Variants in GBE1 observed in about 807,000 individuals in gnomAD.
The protein encoded by GBE1 is 1,4-alpha-glucan branching enzyme 1, also known as 1,4-alpha-glucan-branching enzyme.
GBE1 carries 70 observed loss-of-function variants against 88.8 expected under a neutral mutation model. The observed-to-expected ratio is 0.79, with a 90% confidence interval of 0.65 to 0.96. GBE1 has a LOEUF of 0.96. GBE1 is among the 40% of genes least tolerant of loss of function. The pLI is 0.00. For missense variants in GBE1, 872 were observed against 871.0 expected, an observed-to-expected ratio of 1.00 and a Z score of -0.01; for synonymous variants, 284 against 300.1, an observed-to-expected ratio of 0.95 and a Z score of 0.56.
chr3:81,573,904 T>C (rs2106927805), intron 12 of GBE1, among the ~76,000 whole-genome samples: 1 of 152,146 alleles, frequency 6.6e-6, no homozygotes, highest in East Asian at 1.9e-4. Flanking sequence ...AACAGTCAAT[T>C]CATAATAAAT....
At chr3:81,568,178 C>T (rs1034174322) in intron 12 of GBE1, among the ~76,000 whole-genome samples, 15 of 152,052 alleles carry the variant, frequency 9.9e-5, no homozygotes, top group South Asian at 6.2e-4. Context: ...GATGGAGTCT[C>T]GCTCTGGCAC....
Position 81,616,208 on chromosome 3 carries a change from T to C in GBE1, c.993-22185A>G, listed in dbSNP as rs1484280866. ...TCATCATCTTAACAAGAACTTTATA[T>C]CACAATCTTGAAGTAGTCCAATTTA... On this transcript the variant is annotated intron_variant, in intron 7 of 15. Coordinates refer to ENST00000429644, the MANE Select transcript of GBE1 (RefSeq NM_000158.4). 2.6e-5 allele frequency among the ~76,000 whole-genome samples: 4 copies of C among 152,288 alleles called. No individual in the cohort carries two copies. The East Asian group carries it at 7.7e-4, about 29-fold the overall frequency.
At position 81,594,068 on chromosome 3, in the gene GBE1, A is replaced by G. The variant is rs1489033498; in HGVS notation, c.993-45T>C. On this transcript the variant is annotated intron_variant, in intron 7 of 15. Transcript: ENST00000429644. ...TGTATTTAAGCAAAATGTGAAGAGCATTTTCCTTAACTGTTATAAATGTTT... is the reference window on the plus strand; with the variant it reads ...TGTATTTAAGCAAAATGTGAAGAGCGTTTTCCTTAACTGTTATAAATGTTT... The G allele has an allele frequency of 3.4e-6, 3 of 879,020 alleles. No individual in the cohort carries two copies. In the East Asian group the frequency reaches 8.2e-5, roughly 24 times the overall value. The allele number at this position is 879,020 out of a possible 1,614,324, so 54.5% of individuals were successfully genotyped here.
chr3:81,672,820 T>C (rs1705206767), intron 2 of GBE1, among the ~76,000 whole-genome samples: 1 of 151,952 alleles, frequency 6.6e-6, no homozygotes, highest in Non-Finnish European at 1.5e-5. Context: ...AGACATTACA[T>C]TCTCAACTAA....
At chr3:81,579,636 T>C (rs1428083561) in intron 11 of GBE1, among the ~76,000 whole-genome samples, 1 of 152,130 alleles carries the variant, frequency 6.6e-6, no homozygotes, top group African/African-American at 2.4e-5. Flanking sequence ...CAAATTGTTA[T>C]GTATTTGGTA....
At chr3:81,641,829 T>C (rs1208555738) in intron 7 of GBE1, among the ~76,000 whole-genome samples, 1 of 151,566 alleles carries the variant, frequency 6.6e-6, no homozygotes, top group East Asian at 1.9e-4. Context: ...GCCTATTTTC[T>C]AGGTATATTT....
intron 2 of GBE1, among the ~76,000 whole-genome samples, chr3:81,676,443 C>A (rs966302364): frequency 6.6e-6 from 1 of 151,702 alleles, no homozygotes; most frequent in East Asian, 1.9e-4. Flanking sequence ...AGTCTTAAGT[C>A]TGGAATAAAG....
intron 14 of GBE1, among the ~76,000 whole-genome samples, chr3:81,501,316 A>G (rs1032057545): frequency 6.6e-6 from 1 of 152,186 alleles, no homozygotes; most frequent in Non-Finnish European, 1.5e-5. Context: ...CTGTTTCGGC[A>G]TGGCTTCCCA....
chr3:81,542,473 C>T, intron 12 of GBE1, among the ~76,000 whole-genome samples: 1 of 152,052 alleles, frequency 6.6e-6, no homozygotes, highest in African/African-American at 2.4e-5. Context: ...AAGATACAGG[C>T]ACAAGTTAGT....
Position 81,581,282 on chromosome 3 carries a change from A to C in GBE1, c.1336-7T>G, listed in dbSNP as rs1703727037. On this transcript the variant is annotated splice_polypyrimidine_tract_variant and splice_region_variant and intron_variant, in intron 10 of 15. Transcript: ENST00000429644. The stretch of plus-strand genomic sequence containing the variant: ...CTTTAAACTCTTTAAGTAGCTAGAC[A>C]CAAGAGAGAAAAATAAGCTTCTGAG... 6.9e-7 allele frequency: 1 copy of C among 1,451,190 alleles called. No individual in the cohort carries two copies. The highest frequency in any genetic ancestry group is 9.4e-7 in the Non-Finnish European group (1 of 1,058,864). 89.9% of individuals were successfully genotyped at this position (1,451,190 alleles called of 1,614,324 possible).
At chr3:81,737,951 G>T (rs1706293003) in intron 1 of GBE1, among the ~76,000 whole-genome samples, 1 of 151,348 alleles carries the variant, frequency 6.6e-6, no homozygotes, top group Non-Finnish European at 1.5e-5. Flanking sequence ...CCCCTCCTGT[G>T]TCCATGTGTT....
chr3:81,532,681 A>T (rs1296261077), intron 14 of GBE1, among the ~76,000 whole-genome samples: 2 of 152,086 alleles, frequency 1.3e-5, no homozygotes, highest in Non-Finnish European at 2.9e-5. Context: ...CTCACTATAA[A>T]ATCATAGAAA....
chr3:81,712,586 G>A (rs1240742104), intron 1 of GBE1, among the ~76,000 whole-genome samples: 1 of 151,756 alleles, frequency 6.6e-6, no homozygotes. Flanking sequence ...CTCATAGGTG[G>A]GAATTGAACA....
intron 12 of GBE1, among the ~76,000 whole-genome samples, chr3:81,562,155 A>G (rs1703427325): frequency 1.3e-5 from 2 of 152,090 alleles, no homozygotes; most frequent in African/African-American, 4.8e-5. Context: ...TGCCTGGCTC[A>G]GCAGTAGGTG....
intron 1 of GBE1, among the ~76,000 whole-genome samples, chr3:81,732,553 T>G (rs985063485): frequency 6.6e-6 from 1 of 152,134 alleles, no homozygotes; most frequent in Non-Finnish European, 1.5e-5. Flanking sequence ...CTTCTCTTTC[T>G]CTCACATCCA....
chr3:81,694,987 A>G (rs1705570716), intron 2 of GBE1, among the ~76,000 whole-genome samples: 1 of 152,190 alleles, frequency 6.6e-6, no homozygotes, highest in Non-Finnish European at 1.5e-5. Flanking sequence ...GAGGCCATAA[A>G]AGGACAAAAA....
intron 12 of GBE1, among the ~76,000 whole-genome samples, chr3:81,573,761 C>CCA (rs1318625143): frequency 2.1e-4 from 20 of 97,040 alleles, no homozygotes; most frequent in Admixed American, 9.8e-5. Flanking sequence ...CCTTCTCTCT[C>CCA]TCTCTCTCTC....
intron 7 of GBE1, among the ~76,000 whole-genome samples, chr3:81,629,018 G>GTTTTTTTTTTTTTTTTTTT (rs34707682): frequency 1.0e-5 from 1 of 98,002 alleles, no homozygotes; most frequent in African/African-American, 4.4e-5. Flanking sequence ...TTATGTTTAA[G>GTTTTTTTTTTTTTTTTTTT]TTTTTTTTTT....
intron 12 of GBE1, among the ~76,000 whole-genome samples, chr3:81,575,672 G>T: frequency 6.6e-6 from 1 of 152,000 alleles, no homozygotes; most frequent in East Asian, 1.9e-4. Context: ...CAATCAAGTT[G>T]TTTCTTAGTT....
Sources: allele counts gnomAD v4.1 joint callset (sites outside exome capture counted in the v4.1 genomes callset), GRCh38; gene constraint gnomAD v4.1.1; transcripts MANE v1.5; gene names NCBI Gene and HGNC (gene_info 2026-07-23, HGNC 2026-07-21).